CTNND2: variants seen among roughly 807,000 people sequenced by gnomAD.
CTNND2 encodes the protein catenin delta 2, also known as catenin delta-2.
Under a neutral mutation model 144.4 loss-of-function variants are expected in CTNND2, and 22 were observed. The observed-to-expected ratio is 0.15, with a 90% CI of 0.11 to 0.22. The LOEUF is 0.22. CTNND2 is among the 10% of genes least tolerant of loss of function. The pLI is 1.00. For missense variants in CTNND2, 1,353 were observed against 1,618.8 expected, an observed-to-expected ratio of 0.84 and a Z score of 2.82; for synonymous variants, 751 against 695.6, an observed-to-expected ratio of 1.08 and a Z score of -1.25.
chr5:11,587,570 A>T (rs1778956418), intron 2 of CTNND2, among the ~76,000 whole-genome samples: 2 of 152,090 alleles, frequency 1.3e-5, no homozygotes, highest in African/African-American at 2.4e-5. Flanking sequence ...GTCATTCTTC[A>T]CACTTAGTTT....
chr5:11,112,646 C>A (rs1001264702), intron 13 of CTNND2, among the ~76,000 whole-genome samples: 1 of 152,136 alleles, frequency 6.6e-6, no homozygotes, highest in African/African-American at 2.4e-5. Context: ...AGCTGGGGCA[C>A]AGTAAATGCT....
At chr5:11,724,726 T>C (rs919935562) in intron 2 of CTNND2, among the ~76,000 whole-genome samples, 1 of 152,232 alleles carries the variant, frequency 6.6e-6, no homozygotes, top group African/African-American at 2.4e-5. Flanking sequence ...TTGTTTGTGA[T>C]TTCCTATAAA....
At position 11,674,716 on chromosome 5, in the gene CTNND2, T is replaced by TTTGGTTGGTTGGTTGGTTGG. The variant is rs56819149; in HGVS notation, c.174+57400_174+57419dup. On this transcript the variant is annotated intron_variant, in intron 2 of 21. Transcript: ENST00000304623. ...CATATGCAGTTTTTTTGTTTGTTTG[T>TTTGGTTGGTTGGTTGGTTGG]TTGGTTGGTTGGTTGGTTGGTTGGT... 2.6e-3 allele frequency among the ~76,000 whole-genome samples: 389 copies of TTTGGTTGGTTGGTTGGTTGG among 151,000 alleles called. 4 individuals carry two copies. The highest frequency in any genetic ancestry group is 8.8e-3 in the African/African-American group (359 of 40,882).
At chr5:11,136,843 A>T (rs1756203880) in intron 12 of CTNND2, among the ~76,000 whole-genome samples, 1 of 152,234 alleles carries the variant, frequency 6.6e-6, no homozygotes, top group Non-Finnish European at 1.5e-5. Flanking sequence ...CACATGCCTG[A>T]ATACTCTCTC....
chr5:11,648,383 A>C (rs1388923248), intron 2 of CTNND2, among the ~76,000 whole-genome samples: 1 of 152,026 alleles, frequency 6.6e-6, no homozygotes, highest in Non-Finnish European at 1.5e-5. Context: ...TTTCCTCAAA[A>C]GCCCCTTTCT....
At position 10,973,621 on chromosome 5, in the gene CTNND2, G is replaced by A. The variant is rs763704712; in HGVS notation, c.3510C>T (p.Ser1170=). Residue 1170 remains serine, a synonymous_variant, in exon 22 of 22, where the codon TCC becomes TCT. Coordinates refer to ENST00000304623, the MANE Select transcript of CTNND2 (RefSeq NM_001332.4). This position sits in a 1 kb window ranked among gnomAD's most constrained non-coding sequence, Gnocchi z 5.6. ...FQNSTRNYDE[S]FFEDQVHHRP... ...GATGGTGGACCTGGTCCTCGAAGAA[G>A]GACTCATCGTAATTTCTTGTGGAAT... The A allele has an allele frequency of 3.1e-5, 50 of 1,614,036 alleles. No individual in the cohort carries two copies. The highest frequency in any genetic ancestry group is 4.1e-5 in the Non-Finnish European group (48 of 1,180,012).
chr5:11,425,063 T>C (rs994233827), intron 3 of CTNND2, among the ~76,000 whole-genome samples: 1 of 152,262 alleles, frequency 6.6e-6, no homozygotes, highest in African/African-American at 2.4e-5. Flanking sequence ...TCATCCATTA[T>C]GTGTAAGATT....
At chr5:11,164,319 G>C (rs1292696187) in intron 11 of CTNND2, among the ~76,000 whole-genome samples, 1 of 152,120 alleles carries the variant, frequency 6.6e-6, no homozygotes, top group Non-Finnish European at 1.5e-5. Flanking sequence ...GCAGGGTAGG[G>C]ACATTATTCA....
chr5:11,688,167 T>G (rs1242898509), intron 2 of CTNND2, among the ~76,000 whole-genome samples: 1 of 152,152 alleles, frequency 6.6e-6, no homozygotes, highest in Non-Finnish European at 1.5e-5. Context: ...TACTACTTAT[T>G]AACGTTTCTG....
At chr5:11,370,893 T>A (rs1319279030) in intron 7 of CTNND2, among the ~76,000 whole-genome samples, 1 of 152,190 alleles carries the variant, frequency 6.6e-6, no homozygotes, top group African/African-American at 2.4e-5. Context: ...TAAAGTGCTG[T>A]TGTATGGAGA....
chr5:11,441,418 G>A (rs1764250968), intron 3 of CTNND2, among the ~76,000 whole-genome samples: 1 of 120,588 alleles, frequency 8.3e-6, no homozygotes, highest in Non-Finnish European at 1.6e-5. Flanking sequence ...TCACTTTGTT[G>A]CCCAGGCTGG....
intron 2 of CTNND2, among the ~76,000 whole-genome samples, chr5:11,663,398 C>A (rs2727603): frequency 1.3e-5 from 2 of 151,776 alleles, no homozygotes; most frequent in African/African-American, 4.8e-5. Context: ...ATAAGTACAG[C>A]GGAAAATAGA....
intron 18 of CTNND2, among the ~76,000 whole-genome samples, chr5:11,009,700 A>G (rs778167020): frequency 6.6e-5 from 10 of 152,242 alleles, no homozygotes; most frequent in Non-Finnish European, 1.5e-4. Context: ...GTGGAATTAT[A>G]GAGGAAGTGT....
At chr5:11,640,556 T>C (rs1781947877) in intron 2 of CTNND2, among the ~76,000 whole-genome samples, 2 of 152,202 alleles carry the variant, frequency 1.3e-5, no homozygotes, top group African/African-American at 2.4e-5. Context: ...TATGATTAAT[T>C]AGTAAGACAA....
intron 2 of CTNND2, among the ~76,000 whole-genome samples, chr5:11,672,099 T>A (rs1460109901): frequency 6.6e-6 from 1 of 152,228 alleles, no homozygotes; most frequent in African/African-American, 2.4e-5. Flanking sequence ...TGCCTGGGTA[T>A]CACCGGCAGA....
intron 3 of CTNND2, among the ~76,000 whole-genome samples, chr5:11,445,244 C>A (rs1269465698): frequency 6.6e-6 from 1 of 152,092 alleles, no homozygotes; most frequent in African/African-American, 2.4e-5. Flanking sequence ...CCTGTCATTA[C>A]CTGGTGTTCT....
intron 3 of CTNND2, among the ~76,000 whole-genome samples, chr5:11,476,672 G>C (rs1767772787): frequency 6.6e-6 from 1 of 152,108 alleles, no homozygotes; most frequent in South Asian, 2.1e-4. Context: ...TTTCTGGATA[G>C]AGCAAGAAAC....
At position 11,513,208 on chromosome 5, in the gene CTNND2, T is replaced by A. The variant is rs25926; in HGVS notation, c.287+51736A>T. 8.3e-3 allele frequency among the ~76,000 whole-genome samples: 1,269 copies of A among 152,244 alleles called. 12 individuals carry two copies. Among genetic ancestry groups the A allele is most frequent in the African/African-American group, 0.024 (989 of 41,538 alleles). Reference sequence around the variant, plus strand: ...CCAGCTGTGTGCACAACTCAATGCATCCCTTCCATGAGCTGCAAGACGGTG... The same window carrying A: ...CCAGCTGTGTGCACAACTCAATGCAACCCTTCCATGAGCTGCAAGACGGTG... On this transcript the variant is annotated intron_variant, in intron 3 of 21. Coordinates refer to ENST00000304623, the MANE Select transcript of CTNND2 (RefSeq NM_001332.4).
At chr5:11,018,707 CTT>C (rs35528177) in intron 17 of CTNND2, among the ~76,000 whole-genome samples, 74 of 129,596 alleles carry the variant, frequency 5.7e-4, no homozygotes, top group African/African-American at 1.9e-3. Context: ...GGCCCTGACT[CTT>C]TTTTTTTTTT....
Sources: allele counts gnomAD v4.1 joint callset (sites outside exome capture counted in the v4.1 genomes callset), GRCh38; gene constraint gnomAD v4.1.1; non-coding constraint Gnocchi (gnomAD v3.1); transcripts MANE v1.5; gene names NCBI Gene and HGNC (gene_info 2026-07-23, HGNC 2026-07-21).